The following CLIP1 variants were observed in gnomAD, a reference collection of about 807,000 sequenced individuals.
CLIP1 encodes the protein CAP-Gly domain containing linker protein 1, also known as CAP-Gly domain-containing linker protein 1.
In CLIP1, 66 loss-of-function variants were observed where a neutral mutation model predicts 161.6. The observed-to-expected ratio is 0.41, with a 90% confidence interval of 0.33 to 0.50. The LOEUF (loss-of-function observed/expected upper bound fraction) is 0.50. CLIP1 is among the 20% of genes least tolerant of loss of function. CLIP1 has a pLI of 0.27. For missense variants in CLIP1, 1,376 were observed against 1,702.0 expected (o/e 0.81, Z 3.37); for synonymous variants, 598 against 626.2 (o/e 0.96, Z 0.67).
chr12:122,412,862 A>G (rs1343166031), intron 1 of CLIP1, among the ~76,000 whole-genome samples: 1 of 152,184 alleles, frequency 6.6e-6, no homozygotes, highest in Non-Finnish European at 1.5e-5. Flanking sequence ...AAAGAAAAAA[A>G]TAAACCTGAG....
At chr12:122,403,495 T>C (rs71456742) in intron 1 of CLIP1, among the ~76,000 whole-genome samples, 5 of 64,048 alleles carry the variant, frequency 7.8e-5, no homozygotes, top group Non-Finnish European at 1.8e-4. Context: ...TCATTTCTTG[T>C]TTTGTTTTTT....
intron 9 of CLIP1, 118 bp from the exon 10 acceptor site, chr12:122,347,597 C>T: frequency 2.7e-6 from 2 of 730,602 alleles, no homozygotes; most frequent in Non-Finnish European, 4.9e-6. Context: ...AAGGGTGAAC[C>T]AAAGGGGAAT....
chr12:122,359,105 AT>A (rs1953651767), intron 5 of CLIP1, among the ~76,000 whole-genome samples: 1 of 152,172 alleles, frequency 6.6e-6, no homozygotes, highest in African/African-American at 2.4e-5. Flanking sequence ...AATGAATTAA[AT>A]TTTTTTCAAT....
intron 1 of CLIP1, among the ~76,000 whole-genome samples, chr12:122,414,915 G>A (rs1956677892): frequency 6.6e-6 from 1 of 152,040 alleles, no homozygotes; most frequent in Admixed American, 6.6e-5. Flanking sequence ...AAAATTAGCT[G>A]GGCATGGTGG....
intron 17 of CLIP1, among the ~76,000 whole-genome samples, chr12:122,325,116 T>A (rs899250873): frequency 7.3e-5 from 11 of 150,888 alleles, no homozygotes; most frequent in Admixed American, 6.7e-4. Flanking sequence ...TGGAGTGCAA[T>A]GGTGCGATCT....
At chr12:122,371,095 T>A (rs1254476593) in intron 3 of CLIP1, among the ~76,000 whole-genome samples, 1 of 152,316 alleles carries the variant, frequency 6.6e-6, no homozygotes, top group African/African-American at 2.4e-5. Flanking sequence ...GCTTTTTAAA[T>A]CTACAAAAGA....
chr12:122,279,228 T>G lies in CLIP1; in HGVS notation c.3648-83A>C. The G allele has an allele frequency of 1.2e-6, 1 of 808,834 alleles. No homozygotes were observed. Among genetic ancestry groups the G allele is most frequent in the Admixed American group, 2.7e-5 (1 of 36,754 alleles). 50.1% of individuals were successfully genotyped at this position (808,834 alleles called of 1,614,324 possible). ...AACTGTTCTAGAACAAACACATAATTAATGTTAGTTAATGTAAAAAAAAAA... is the reference window on the plus strand; with the variant it reads ...AACTGTTCTAGAACAAACACATAATGAATGTTAGTTAATGTAAAAAAAAAA... On this transcript the variant is annotated intron_variant, in intron 21 of 25. Transcript: ENST00000620786. The surrounding 1 kb of genome is among the most constrained non-coding windows in gnomAD (Gnocchi z 4.5).
At chr12:122,299,056 G>A (rs553452729) in intron 20 of CLIP1, among the ~76,000 whole-genome samples, 2 of 152,316 alleles carry the variant, frequency 1.3e-5, no homozygotes, top group South Asian at 2.1e-4. Flanking sequence ...GAGAGTGCAC[G>A]TGTCACCTTA....
chr12:122,369,426 G>A (rs980981701), intron 3 of CLIP1, among the ~76,000 whole-genome samples: 1 of 151,680 alleles, frequency 6.6e-6, no homozygotes, highest in Non-Finnish European at 1.5e-5. Flanking sequence ...GTCCTAAGTC[G>A]ACCTCTGCTT....
At chr12:122,359,791 A>ACC (rs541003957) in intron 5 of CLIP1, among the ~76,000 whole-genome samples, 25 of 152,232 alleles carry the variant, frequency 1.6e-4, no homozygotes, top group Non-Finnish European at 3.2e-4. Flanking sequence ...TCCTGGGCTA[A>ACC]CCACCTCCTC....
chr12:122,297,148 T>C (rs1324056855), intron 20 of CLIP1, among the ~76,000 whole-genome samples: 5 of 152,208 alleles, frequency 3.3e-5, no homozygotes, highest in Admixed American at 6.5e-5. Flanking sequence ...CGGGGAACAC[T>C]GGACTGGAAA....
At chr12:122,389,004 C>T (rs1955459571) in intron 1 of CLIP1, among the ~76,000 whole-genome samples, 1 of 152,232 alleles carries the variant, frequency 6.6e-6, no homozygotes, top group African/African-American at 2.4e-5. Flanking sequence ...GCAGCTTCCC[C>T]TCCTCCATGT....
At chr12:122,278,449 A>T in intron 23 of CLIP1, 1 of 564,916 alleles carries the variant, frequency 1.8e-6, no homozygotes, top group Non-Finnish European at 3.1e-6. Flanking sequence ...CTGGGTTAGA[A>T]TGCCTGTCAC....
intron 1 of CLIP1, among the ~76,000 whole-genome samples, chr12:122,410,053 G>A (rs1362080114): frequency 6.6e-6 from 1 of 151,314 alleles, no homozygotes; most frequent in East Asian, 1.9e-4. Flanking sequence ...TGTATTTTTA[G>A]TAGAGACAGG....
At chr12:122,362,780 C>T (rs900188683) in intron 4 of CLIP1, among the ~76,000 whole-genome samples, 9 of 130,668 alleles carry the variant, frequency 6.9e-5, no homozygotes, top group South Asian at 2.4e-4. Flanking sequence ...AAAAACAAAA[C>T]GGCATTGGAG....
At chr12:122,422,819 C>T (rs1234764014), upstream of CLIP1, among the ~76,000 whole-genome samples, 2 of 150,014 alleles carry the variant, frequency 1.3e-5, no homozygotes, top group Non-Finnish European at 3.0e-5. Flanking sequence ...CTGCGCCCAC[C>T]GCGGCCCCGG....
intron 1 of CLIP1, among the ~76,000 whole-genome samples, chr12:122,405,325 C>CT (rs1956289899): frequency 1.3e-5 from 2 of 152,176 alleles, no homozygotes; most frequent in Admixed American, 1.3e-4. Flanking sequence ...AGCCGTAACT[C>CT]TAGGTTTTTT....
intron 4 of CLIP1, among the ~76,000 whole-genome samples, chr12:122,363,145 GA>G: frequency 6.6e-6 from 1 of 152,244 alleles, no homozygotes; most frequent in Admixed American, 6.5e-5. Flanking sequence ...AGAAAAGTGG[GA>G]AATTCCTTCT....
chr12:122,401,850 A>G (rs1956153987), intron 1 of CLIP1, among the ~76,000 whole-genome samples: 1 of 150,360 alleles, frequency 6.7e-6, no homozygotes, highest in Non-Finnish European at 1.5e-5. Flanking sequence ...ATACAAAATT[A>G]TCCAGGTGTG....
Sources: allele counts gnomAD v4.1 joint callset (sites outside exome capture counted in the v4.1 genomes callset), GRCh38; gene constraint gnomAD v4.1.1; non-coding constraint Gnocchi (gnomAD v3.1); transcripts MANE v1.5; gene names NCBI Gene and HGNC (gene_info 2026-07-23, HGNC 2026-07-21).